PPP4R1: variants seen among roughly 807,000 people sequenced by gnomAD.
PPP4R1 encodes serine/threonine-protein phosphatase 4 regulatory subunit 1.
In PPP4R1, 42 loss-of-function variants were observed where a neutral mutation model predicts 111.2. The observed-to-expected ratio is 0.38, with a 90% CI of 0.29 to 0.49. The LOEUF (loss-of-function observed/expected upper bound fraction) is 0.49. Among genes scored for constraint, PPP4R1 ranks in the 20% least tolerant of loss-of-function variants. The pLI, the probability that PPP4R1 is intolerant of heterozygous loss-of-function variation, is 0.97. For synonymous variants in PPP4R1, 409 were observed against 405.5 expected, an observed-to-expected ratio of 1.01 and a Z score of -0.10; for missense variants, 1,012 against 1,161.6, an observed-to-expected ratio of 0.87 and a Z score of 1.87.
At chr18:9,586,930 A>G (rs893987498) in intron 6 of PPP4R1, among the ~76,000 whole-genome samples, 6 of 152,206 alleles carry the variant, frequency 3.9e-5, no homozygotes, top group African/African-American at 9.6e-5. Context: ...GTCAAAAAAA[A>G]ACCCAGAAAC....
At chr18:9,557,458 C>A in intron 14 of PPP4R1, 76 bp from the exon 15 acceptor site, 2 of 1,283,856 alleles carry the variant, frequency 1.6e-6, no homozygotes, top group South Asian at 3.4e-5. Context: ...TATACAAAGG[C>A]TAATTTATAT....
chr18:9,572,857 T>C (rs558105403), intron 10 of PPP4R1, among the ~76,000 whole-genome samples: 3 of 152,386 alleles, frequency 2.0e-5, no homozygotes, highest in African/African-American at 7.2e-5. Flanking sequence ...GGTATTTTTC[T>C]TCTTATAACT....
intron 11 of PPP4R1, among the ~76,000 whole-genome samples, chr18:9,566,064 T>A (rs1199245358): frequency 6.6e-6 from 1 of 151,904 alleles, no homozygotes; most frequent in Non-Finnish European, 1.5e-5. Context: ...GCATGGACCA[T>A]CATGCCCAGT....
At chr18:9,576,900 G>C (rs527563927) in intron 10 of PPP4R1, among the ~76,000 whole-genome samples, 164 bp downstream of exon 10, 1 of 129,892 alleles carries the variant, frequency 7.7e-6, no homozygotes, top group Non-Finnish European at 1.6e-5. Context: ...AAACAAATGC[G>C]CTTAAAGTAA....
intron 9 of PPP4R1, 95 bp from the exon 10 acceptor site, chr18:9,577,286 C>T (rs965633557): frequency 2.5e-5 from 32 of 1,291,970 alleles, no homozygotes; most frequent in Non-Finnish European, 3.4e-5. Context: ...CTTTCAAATG[C>T]CGAAGTATGT....
intron 2 of PPP4R1, among the ~76,000 whole-genome samples, chr18:9,598,948 C>T (rs1270529912): frequency 6.6e-6 from 1 of 151,942 alleles, no homozygotes; most frequent in East Asian, 1.9e-4. Context: ...ACTGCTTGAA[C>T]CTGGGAGGTC....
intron 11 of PPP4R1, among the ~76,000 whole-genome samples, chr18:9,564,688 A>G (rs2066731330): frequency 7.5e-6 from 1 of 133,984 alleles, no homozygotes; most frequent in Non-Finnish European, 1.6e-5. Flanking sequence ...TGTCCCATAT[A>G]AAGTGCATGG....
intron 11 of PPP4R1, 42 bp from the exon 12 acceptor site, chr18:9,563,592 T>A (rs1333018993): frequency 6.7e-7 from 1 of 1,481,712 alleles, no homozygotes; most frequent in Admixed American, 1.9e-5. Flanking sequence ...AGAAACACAA[T>A]TGCAATATTC....
At chr18:9,605,082 C>T (rs912889585) in intron 2 of PPP4R1, among the ~76,000 whole-genome samples, 1 of 152,142 alleles carries the variant, frequency 6.6e-6, no homozygotes, top group Admixed American at 6.5e-5. Flanking sequence ...CATAAAAAAG[C>T]TCATAGTCTA....
At chr18:9,574,792 C>A (rs773558002) in intron 10 of PPP4R1, among the ~76,000 whole-genome samples, 5 of 152,200 alleles carry the variant, frequency 3.3e-5, no homozygotes, top group Non-Finnish European at 7.3e-5. Context: ...CAACTCAGTG[C>A]ATCTAAGACA....
At chr18:9,577,329 C>A in intron 9 of PPP4R1, 138 bp from the exon 10 acceptor site, 1 of 1,021,524 alleles carries the variant, frequency 9.8e-7, no homozygotes. Flanking sequence ...CTAAAGGAAG[C>A]CCAGATTCAG....
chr18:9,570,917 A>T (rs1598913525), intron 10 of PPP4R1, among the ~76,000 whole-genome samples: 1 of 152,218 alleles, frequency 6.6e-6, no homozygotes, highest in African/African-American at 2.4e-5. Flanking sequence ...CAAGCAATAT[A>T]TATTAGTTAG....
chr18:9,603,654 TTTTC>T (rs141801806), intron 2 of PPP4R1, among the ~76,000 whole-genome samples: 23,573 of 151,982 alleles, frequency 0.16, 2,427 homozygotes, highest in African/African-American at 0.29. Flanking sequence ...GCCCAGGTAA[TTTTC>T]TTTATTTTTT....
intron 9 of PPP4R1, among the ~76,000 whole-genome samples, chr18:9,577,697 CT>C (rs901210984): frequency 5.3e-5 from 8 of 151,960 alleles, no homozygotes; most frequent in African/African-American, 1.9e-4. Flanking sequence ...CCTATTTGCT[CT>C]TTTTTACTTT....
At chr18:9,594,812 TTG>T in intron 3 of PPP4R1, 1 of 472,196 alleles carries the variant, frequency 2.1e-6, no homozygotes, top group Non-Finnish European at 3.5e-6. Context: ...ATTTTTTTTT[TTG>T]CAAAGAAAGC....
Position 9,553,377 on chromosome 18 carries a change from C to T in PPP4R1, c.2236G>A (p.Glu746Lys). The change falls in exon 16 of 20, where the codon GAG becomes AAG. Residue 746 changes from glutamate to lysine, a missense_variant. This residue lies in a region of PPP4R1 where 305 missense variants were observed against 419.5 expected (regional missense o/e 0.73). Transcript: ENST00000400556. Reference protein sequence around the residue: ...KRREYLYQLQEFLVTDNSRNW... With the variant: ...KRREYLYQLQKFLVTDNSRNW... The stretch of plus-strand genomic sequence containing the variant: ...CTACTATTATCTGTCACCAAAAACT[C>T]CTGAAGTTGATAAAGATATTCTCTT... 6.2e-7 allele frequency: 1 copy of T among 1,601,924 alleles called. No homozygotes were observed. The highest frequency in any genetic ancestry group is 2.2e-5 in the East Asian group (1 of 44,808).
intron 16 of PPP4R1, 80 bp from the exon 17 acceptor site, chr18:9,550,478 G>A (rs1739967373): frequency 6.9e-7 from 1 of 1,445,012 alleles, no homozygotes; most frequent in Non-Finnish European, 9.5e-7. Context: ...TAAATCATCT[G>A]TAATACTGGA....
rs533766935 is a variant in PPP4R1, at chr18:9,576,475, G to A, written c.1046+589C>T. Among the ~76,000 whole-genome samples the A allele has an allele frequency of 2.0e-5, 3 of 151,832 alleles. No homozygotes were observed. In the South Asian group the frequency reaches 6.2e-4, roughly 32 times the overall value. ...ACATTTAAAAATAAAAATCACAGCC[G>A]ACTCTTTAAGCTTTATTTAAAACTT... On this transcript the variant is annotated intron_variant, in intron 10 of 19. Transcript: ENST00000400556.
chr18:9,551,182 C>G (rs1338712816), intron 16 of PPP4R1: 1 of 152,176 alleles, frequency 6.6e-6, no homozygotes, highest in Admixed American at 6.5e-5. Context: ...ATACAGAAAA[C>G]TGCAAAGAAC....
Sources: gnomAD v4.1 joint callset for allele counts (sites outside exome capture counted in the v4.1 genomes callset) on GRCh38, gnomAD v4.1.1 for gene constraint, gnomAD v4.1.1 regional missense constraint, MANE v1.5 for transcripts, NCBI Gene and HGNC (gene_info 2026-07-23, HGNC 2026-07-21) for gene names.